RASGRP1: variants seen among roughly 807,000 people sequenced by gnomAD.
The protein encoded by RASGRP1 is RAS guanyl-releasing protein 1.
A neutral mutation model predicts 95.1 loss-of-function variants in RASGRP1; 37 were observed. That is an observed-to-expected ratio of 0.39 (90% CI 0.30 to 0.51). The LOEUF (loss-of-function observed/expected upper bound fraction) is 0.51, where lower values mean the gene tolerates loss of function less well. Among genes scored for constraint, RASGRP1 ranks in the 20% least tolerant of loss-of-function variants. The pLI, the probability that RASGRP1 is intolerant of heterozygous loss-of-function variation, is 0.80. For missense variants in RASGRP1, 711 were observed against 965.4 expected (o/e 0.74, Z 3.49); for synonymous variants, 325 against 353.4 (o/e 0.92, Z 0.90).
chr15:38,544,607 T>A (rs1297108447), intron 2 of RASGRP1, among the ~76,000 whole-genome samples: 1 of 152,246 alleles, frequency 6.6e-6, no homozygotes, highest in Non-Finnish European at 1.5e-5. Flanking sequence ...TGATGCCTTC[T>A]GCCATGTTAT....
At chr15:38,503,438 T>G in intron 10 of RASGRP1, 62 bp from the exon 11 acceptor site, 6 of 1,257,400 alleles carry the variant, frequency 4.8e-6, no homozygotes, top group South Asian at 1.3e-5. Flanking sequence ...CCTATAGCTC[T>G]TTCTTTTCCC....
intron 11 of RASGRP1, chr15:38,502,778 C>G: frequency 8.1e-6 from 2 of 245,814 alleles, no homozygotes; most frequent in Admixed American, 1.0e-4. Flanking sequence ...ACAAACAGCC[C>G]AGTTGGAAGT....
At chr15:38,493,561 T>TAA (rs1890680116) in intron 16 of RASGRP1, among the ~76,000 whole-genome samples, 1 of 152,146 alleles carries the variant, frequency 6.6e-6, no homozygotes, top group Non-Finnish European at 1.5e-5. Flanking sequence ...TTGGTAAACT[T>TAA]TATTTTGTCT....
chr15:38,500,993 A>G, intron 13 of RASGRP1, 150 bp downstream of exon 13: 1 of 924,962 alleles, frequency 1.1e-6, no homozygotes, highest in Non-Finnish European at 1.5e-6. Context: ...TGCAGGTAAA[A>G]ACCACACGCT....
chr15:38,537,384 T>C (rs1892694728), intron 2 of RASGRP1, among the ~76,000 whole-genome samples: 1 of 152,120 alleles, frequency 6.6e-6, no homozygotes, highest in Non-Finnish European at 1.5e-5. Context: ...AGCAGGCACG[T>C]CACATGGTGA....
chr15:38,554,917 C>T (rs1893493674), intron 2 of RASGRP1, among the ~76,000 whole-genome samples: 1 of 152,208 alleles, frequency 6.6e-6, no homozygotes, highest in Non-Finnish European at 1.5e-5. Context: ...AGGCTTCGGC[C>T]CCTTCCTGAC....
rs955391750 is a variant in RASGRP1 at position 38,560,000 on chromosome 15, G to A, written c.41C>T (p.Pro14Leu). 2.5e-6 allele frequency: 4 copies of A among 1,610,586 alleles called. No individual in the cohort carries two copies. Among genetic ancestry groups the A allele is most frequent in the African/African-American group, 1.3e-5 (1 of 75,022 alleles). The change falls in exon 2 of 17, where the codon CCT becomes CTT. Residue 14 changes from proline to leucine, a missense_variant. This residue lies in a region of RASGRP1 where 491 missense variants were observed against 676.6 expected (regional missense o/e 0.73). Coordinates refer to ENST00000310803, the MANE Select transcript of RASGRP1 (RefSeq NM_005739.4). ...AGAGGCAGCTCTGCAGCCATGGGAAGGTTTCCTGGGGAAAGAGAGAAGGCA... is the reference window on the plus strand; with the variant it reads ...AGAGGCAGCTCTGCAGCCATGGGAAAGTTTCCTGGGGAAAGAGAGAAGGCA... ...LGKAREAPRK[P>L]SHGCRAASKA...
chr15:38,544,631 G>A (rs1187166086), intron 2 of RASGRP1, among the ~76,000 whole-genome samples: 1 of 152,206 alleles, frequency 6.6e-6, no homozygotes, highest in Non-Finnish European at 1.5e-5. Flanking sequence ...ATAACAAGAT[G>A]TGGTCCCTTC....
intron 8 of RASGRP1, 125 bp from the exon 9 acceptor site, chr15:38,508,126 G>C: frequency 9.6e-7 from 1 of 1,036,960 alleles, no homozygotes; most frequent in Non-Finnish European, 1.4e-6. Flanking sequence ...TGAGCAGGGG[G>C]TAATTCATGT....
At chr15:38,551,915 AC>A (rs1893354395) in intron 2 of RASGRP1, among the ~76,000 whole-genome samples, 4 of 152,236 alleles carry the variant, frequency 2.6e-5, no homozygotes, top group Non-Finnish European at 5.9e-5. Context: ...GGTTATAGAC[AC>A]CAGTAGTGCC....
In RASGRP1 at chr15:38,488,937, T is replaced by C. The variant is rs1217080269; in HGVS notation, c.*1617A>G. On this transcript the variant is annotated 3_prime_UTR_variant, in exon 17 of 17. Transcript: ENST00000310803. ...GTAAATACGTGTGTAAAACTATTCT[T>C]TATAATGTAATGAAACACTAACTAC... is the stretch of plus-strand genomic sequence containing the variant. 6.6e-6 allele frequency: 1 copy of C among 152,016 alleles called. No homozygotes were observed. The highest frequency in any genetic ancestry group is 1.5e-5 in the Non-Finnish European group (1 of 67,892). The allele number at this position is 152,016 out of a possible 1,614,324, so 9.4% of individuals were successfully genotyped here. A position where few individuals can be genotyped will look rare whatever the true frequency, so the allele number is the denominator to read the frequency against.
intron 2 of RASGRP1, among the ~76,000 whole-genome samples, chr15:38,536,304 G>A (rs1239183980): frequency 6.6e-6 from 1 of 152,190 alleles, no homozygotes; most frequent in Non-Finnish European, 1.5e-5. Context: ...TTCCCAGAAG[G>A]ACACAGAGAG....
chr15:38,546,739 T>A (rs150159265), intron 2 of RASGRP1, among the ~76,000 whole-genome samples: 3 of 152,264 alleles, frequency 2.0e-5, no homozygotes, highest in East Asian at 3.9e-4. Flanking sequence ...GTTGAGGCAA[T>A]CTCTAATTAT....
intron 1 of RASGRP1, among the ~76,000 whole-genome samples, chr15:38,563,629 C>T (rs1419437038): frequency 6.6e-6 from 1 of 152,138 alleles, no homozygotes; most frequent in Non-Finnish European, 1.5e-5. Flanking sequence ...GTCCTCTTCC[C>T]CTTACAATAC....
At chr15:38,536,625 C>T (rs1022350433) in intron 2 of RASGRP1, among the ~76,000 whole-genome samples, 2 of 152,222 alleles carry the variant, frequency 1.3e-5, no homozygotes, top group African/African-American at 4.8e-5. Context: ...CAATGAGTGA[C>T]TTGGTCCCAT....
chr15:38,538,752 G>A (rs1278976303), intron 2 of RASGRP1, among the ~76,000 whole-genome samples: 7 of 152,144 alleles, frequency 4.6e-5, no homozygotes, highest in Non-Finnish European at 1.0e-4. Flanking sequence ...GCTTCATAAT[G>A]TCTTACGCCC....
In RASGRP1 at chr15:38,503,042, T is replaced by G. The variant is rs28507498; in HGVS notation, c.1428+230A>C. The stretch of plus-strand genomic sequence containing the variant: ...AATCAACTGACAACCTTTAAGCATA[T>G]GCTCTTTTGCTAGGTCTTGAAGAGG... On this transcript the variant is annotated intron_variant, in intron 11 of 16. Transcript: ENST00000310803. The G allele has an allele frequency of 1.2e-5, 7 of 562,022 alleles. No individual in the cohort carries two copies. In the South Asian group the frequency reaches 1.7e-4, roughly 13 times the overall value. 34.8% of individuals were successfully genotyped at this position (562,022 alleles called of 1,614,324 possible).
chr15:38,563,495 C>A (rs1015127115), intron 1 of RASGRP1, among the ~76,000 whole-genome samples: 2 of 152,150 alleles, frequency 1.3e-5, no homozygotes, highest in Non-Finnish European at 2.9e-5. Context: ...TCAGGCTGAG[C>A]TTTTTATGAA....
intron 2 of RASGRP1, among the ~76,000 whole-genome samples, chr15:38,537,797 C>T (rs193106701): frequency 3.9e-5 from 6 of 152,274 alleles, no homozygotes; most frequent in African/African-American, 1.2e-4. Flanking sequence ...AGGTTTTAAG[C>T]GCACTCCCCC....
Sources: allele counts gnomAD v4.1 joint callset (sites outside exome capture counted in the v4.1 genomes callset), GRCh38; gene constraint gnomAD v4.1.1; regional missense constraint gnomAD v4.1.1; transcripts MANE v1.5; gene names NCBI Gene and HGNC (gene_info 2026-07-23, HGNC 2026-07-21).